The following RAB27A variants were observed in gnomAD, a reference collection of about 807,000 sequenced individuals.
RAB27A encodes RAB27A, member RAS oncogene family.
RAB27A carries 17 observed loss-of-function variants against 20.8 expected under a neutral mutation model. The ratio of observed to expected loss-of-function variants is 0.82; its 90% confidence interval spans 0.56 to 1.23. The LOEUF is 1.23. RAB27A is among the 50% of genes most tolerant of loss of function. RAB27A has a pLI of 0.00. For missense variants in RAB27A, 277 were observed against 266.7 expected, an observed-to-expected ratio of 1.04 and a Z score of -0.27; for synonymous variants, 85 against 92.8, an observed-to-expected ratio of 0.92 and a Z score of 0.48.
intron 6 of RAB27A, among the ~76,000 whole-genome samples, chr15:55,211,583 T>C (rs781232856): frequency 6.6e-6 from 1 of 152,230 alleles, no homozygotes; most frequent in Non-Finnish European, 1.5e-5. Context: ...TAAATGCTAA[T>C]GATTTTTGTA....
At position 55,223,475 on chromosome 15, in the gene RAB27A, C is replaced by T. The variant is rs559721478; in HGVS notation, c.467+414G>A. Among the ~76,000 whole-genome samples, 14 of 151,368 alleles carry T rather than the reference C, an allele frequency of 9.2e-5. No individual in the cohort carries two copies. In the South Asian group the frequency reaches 2.7e-3, roughly 29 times the overall value. On this transcript the variant is annotated intron_variant, in intron 6 of 6. Transcript: ENST00000336787. ...AGTGAGCCGAGATTGTGCCACTGCA[C>T]TCCAGCCTGGGTGACAGTGTGAGAC...
At chr15:55,242,196 G>A (rs867395144) in intron 2 of RAB27A, among the ~76,000 whole-genome samples, 8 of 152,156 alleles carry the variant, frequency 5.3e-5, no homozygotes, top group Admixed American at 2.0e-4. Context: ...GCAAAAGAAA[G>A]GGGAGGAATA....
At chr15:55,308,027 G>A (rs1432962927) in intron 2 of RAB27A, among the ~76,000 whole-genome samples, 3 of 152,050 alleles carry the variant, frequency 2.0e-5, no homozygotes, top group Admixed American at 2.0e-4. Flanking sequence ...CTATGTCCTC[G>A]TGAGGTTCCC....
At chr15:55,218,773 C>T (rs928795606) in intron 6 of RAB27A, among the ~76,000 whole-genome samples, 4 of 150,150 alleles carry the variant, frequency 2.7e-5, no homozygotes, top group East Asian at 3.9e-4. Context: ...GGCAGAGCCT[C>T]GCTCTTTTGC....
Position 55,318,731 on chromosome 15 carries a change from A to C in RAB27A, c.-234+200T>G, listed in dbSNP as rs565906813. ...AAAAAAACAAAAACAAAAACAAAAA[A>C]AAAACCTAACAACAGCAACAACAAC... On this transcript the variant is annotated intron_variant, in intron 1 of 5. Coordinates refer to the RAB27A transcript ENST00000563262. 227 of 151,366 alleles carry C rather than the reference A, an allele frequency of 1.5e-3. 2 individuals are homozygous for C. The highest frequency in any genetic ancestry group is 6.9e-3 in the South Asian group (33 of 4,794). 9.4% of individuals were successfully genotyped at this position (151,366 alleles called of 1,614,324 possible).
rs73413657 is a variant in RAB27A at position 55,267,511 on chromosome 15, G to A, written c.-23+2654C>T. ...GCCAAGAGGGCAGGGCCCCAGCCAC[G>A]CTGCAGCAACACCAGAAGCGCAAAA... On this transcript the variant is annotated intron_variant, in intron 2 of 6. Transcript: ENST00000336787. Among the ~76,000 whole-genome samples, 1,297 of 152,300 alleles carry A rather than the reference G, an allele frequency of 8.5e-3. 17 individuals are homozygous for A. The highest frequency in any genetic ancestry group is 0.03 in the African/African-American group (1,246 of 41,566).
At chr15:55,238,934 C>T (rs565003075) in intron 2 of RAB27A, among the ~76,000 whole-genome samples, 216 of 152,130 alleles carry the variant, frequency 1.4e-3, no homozygotes, top group Non-Finnish European at 2.2e-3. Context: ...TATTATTTTA[C>T]GGTGAGTTAA....
chr15:55,206,893 G>A (rs1005178352), intron 6 of RAB27A, among the ~76,000 whole-genome samples: 1 of 152,196 alleles, frequency 6.6e-6, no homozygotes, highest in Middle Eastern at 3.4e-3. Flanking sequence ...AAAGATGAGC[G>A]ACAGGCCGAA....
chr15:55,207,919 G>C (rs1380565896), intron 6 of RAB27A, among the ~76,000 whole-genome samples: 1 of 152,106 alleles, frequency 6.6e-6, no homozygotes, highest in South Asian at 2.1e-4. Context: ...CACTCCCAAA[G>C]TGCTGGGATA....
chr15:55,211,769 G>A (rs1210614717), intron 6 of RAB27A, among the ~76,000 whole-genome samples: 5 of 152,046 alleles, frequency 3.3e-5, no homozygotes, highest in African/African-American at 4.8e-5. Flanking sequence ...AAGCAAGTAG[G>A]CTCTTCCTGT....
upstream of RAB27A, chr15:55,290,403 A>G (rs1898279183): frequency 6.6e-6 from 1 of 152,278 alleles, no homozygotes; most frequent in Non-Finnish European, 1.5e-5. Flanking sequence ...ATTCCTGGAA[A>G]TAACATGGGA....
At chr15:55,312,674 T>C (rs1182568791) in intron 2 of RAB27A, among the ~76,000 whole-genome samples, 1 of 152,130 alleles carries the variant, frequency 6.6e-6, no homozygotes, top group African/African-American at 2.4e-5. Flanking sequence ...ACTCAGCCTC[T>C]GGCACTTGGT....
intron 2 of RAB27A, among the ~76,000 whole-genome samples, chr15:55,262,269 C>T (rs531615267): frequency 1.1e-3 from 174 of 152,160 alleles, no homozygotes; most frequent in Non-Finnish European, 2.1e-3. Context: ...CGGCCAGGCG[C>T]GGTGGCTCAT....
rs1894572548 is a variant in RAB27A at position 55,204,984 on chromosome 15, A to C, written c.*523T>G. 1.7e-5 allele frequency: 3 copies of C among 173,700 alleles called. No individual in the cohort carries two copies. Among genetic ancestry groups the C allele is most frequent in the African/African-American group, 7.2e-5 (3 of 41,620 alleles). The allele number at this position is 173,700 out of a possible 1,614,324, so 10.8% of individuals were successfully genotyped here. On this transcript the variant is annotated 3_prime_UTR_variant, in exon 7 of 7. Transcript: ENST00000336787. ...ATGTTAAATAGAATGCTTACATAAA[A>C]TTAATACTCAAAGACATTGAGCTGA...
chr15:55,272,222 C>A (rs923389042), intron 1 of RAB27A, among the ~76,000 whole-genome samples: 1 of 152,142 alleles, frequency 6.6e-6, no homozygotes, highest in African/African-American at 2.4e-5. Flanking sequence ...CACGGTGAAA[C>A]CCCGTCTCTA....
At chr15:55,232,458 T>C (rs1896069800) in intron 3 of RAB27A, among the ~76,000 whole-genome samples, 2 of 152,184 alleles carry the variant, frequency 1.3e-5, no homozygotes, top group Admixed American at 1.3e-4. Context: ...CAGGAAAGTA[T>C]GGCTCATGCG....
chr15:55,317,559 C>T (rs566531118), intron 1 of RAB27A: 14 of 374,668 alleles, frequency 3.7e-5, no homozygotes, highest in Admixed American at 1.4e-4. Context: ...CTGATCCACC[C>T]GCCTCGGCCT....
intron 6 of RAB27A, among the ~76,000 whole-genome samples, chr15:55,209,309 T>C (rs1437292110): frequency 6.6e-6 from 1 of 152,210 alleles, no homozygotes; most frequent in Non-Finnish European, 1.5e-5. Context: ...CTACCCTTCC[T>C]GGCCTCTGGT....
upstream of RAB27A, chr15:55,290,307 C>G (rs374544196): frequency 1.3e-5 from 2 of 152,230 alleles, no homozygotes; most frequent in Non-Finnish European, 2.9e-5. Context: ...GTCCCAGGCC[C>G]GGCCCTGCCC....
Sources: gnomAD v4.1 joint callset for allele counts (sites outside exome capture counted in the v4.1 genomes callset) on GRCh38, gnomAD v4.1.1 for gene constraint, MANE v1.5 for transcripts, NCBI Gene and HGNC (gene_info 2026-07-23, HGNC 2026-07-21) for gene names.